The following SPTBN4 variants were observed in gnomAD, a reference collection of about 807,000 sequenced individuals.
SPTBN4 encodes the protein spectrin beta, non-erythrocytic 4.
In SPTBN4, 96 loss-of-function variants were observed where a neutral mutation model predicts 277.8. The ratio of observed to expected loss-of-function variants is 0.35; its 90% confidence interval spans 0.29 to 0.41. The LOEUF (loss-of-function observed/expected upper bound fraction) is 0.41. Among genes scored for constraint, SPTBN4 ranks in the 10% least tolerant of loss-of-function variants. The pLI is 1.00. For missense variants in SPTBN4, 3,006 were observed against 3,595.7 expected, an observed-to-expected ratio of 0.84 and a Z score of 4.19; for synonymous variants, 1,481 against 1,580.3, an observed-to-expected ratio of 0.94 and a Z score of 1.49.
In SPTBN4 at chr19:40,523,308, G is replaced by T. The variant is rs2080550314; in HGVS notation, c.3655-129G>T. On this transcript the variant is annotated intron_variant, in intron 16 of 35. Transcript: ENST00000598249. ...CACCAGCATGGGCAACAGCCCCGAG[G>T]TGGGACCACAACTGGAATGTTCTAT... The T allele has an allele frequency of 1.5e-5, 13 of 870,928 alleles. No homozygotes were observed. In the South Asian group the frequency reaches 2.3e-4, roughly 15 times the overall value. 54.0% of individuals were successfully genotyped at this position (870,928 alleles called of 1,614,324 possible).
chr19:40,570,571 G>A lies in SPTBN4; in HGVS notation c.7162G>A (p.Glu2388Lys). ...GCCGCGACGGCGGCCGCGGCCCAGAGAGGGTGGTGAGGGCGGGGGAAGCCG... is the reference window on the plus strand; with the variant it reads ...GCCGCGACGGCGGCCGCGGCCCAGAAAGGGTGGTGAGGGCGGGGGAAGCCG... ...PKPRRRPRPR[E>K]GGEGGGSRRS... Residue 2388 changes from glutamate (E) to lysine (K), a missense_variant, in exon 33 of 36, where the codon GAG (glutamate) becomes AAG (lysine). This residue lies in a region of SPTBN4 where 630 missense variants were observed against 677.6 expected (regional missense o/e 0.93). Coordinates refer to ENST00000598249, the MANE Select transcript of SPTBN4 (RefSeq NM_020971.3). 1 of 1,372,494 alleles carries A rather than the reference G, an allele frequency of 7.3e-7. No homozygotes were observed. Among genetic ancestry groups the A allele is most frequent in the Non-Finnish European group, 9.4e-7 (1 of 1,065,374 alleles). 85.0% of individuals were successfully genotyped at this position (1,372,494 alleles called of 1,614,324 possible). A position where few individuals can be genotyped will look rare whatever the true frequency, so the allele number is the denominator to read the frequency against.
intron 17 of SPTBN4, among the ~76,000 whole-genome samples, chr19:40,527,545 T>C (rs2080607324): frequency 6.6e-6 from 1 of 152,104 alleles, no homozygotes; most frequent in African/African-American, 2.4e-5. Context: ...CCAGAAAGTG[T>C]TGGGGAGTGG....
intron 20 of SPTBN4, among the ~76,000 whole-genome samples, chr19:40,541,454 G>T (rs12982298): frequency 0.28 from 42,761 of 152,120 alleles, 6,472 homozygotes; most frequent in Non-Finnish European, 0.35. Flanking sequence ...CTCAGGAGCT[G>T]CTACTGGGGA....
At chr19:40,504,182 G>A in intron 12 of SPTBN4, 50 bp downstream of exon 12, 1 of 1,529,022 alleles carries the variant, frequency 6.5e-7, no homozygotes, top group Non-Finnish European at 8.9e-7. Flanking sequence ...AGGGAGGGGA[G>A]GATGCAGACG....
chr19:40,540,275 C>G (rs2080784894), intron 20 of SPTBN4, among the ~76,000 whole-genome samples: 1 of 152,126 alleles, frequency 6.6e-6, no homozygotes, highest in Non-Finnish European at 1.5e-5. Flanking sequence ...CACCATCACT[C>G]TACTGTTTTC....
At chr19:40,509,388 G>A (rs1599746738) in intron 13 of SPTBN4, among the ~76,000 whole-genome samples, 1 of 152,172 alleles carries the variant, frequency 6.6e-6, no homozygotes, top group East Asian at 1.9e-4. Context: ...TGGGATTATA[G>A]GCATGCGCCA....
At chr19:40,478,933 A>T (rs902715492) in intron 2 of SPTBN4, among the ~76,000 whole-genome samples, 8 of 152,328 alleles carry the variant, frequency 5.3e-5, no homozygotes, top group African/African-American at 1.9e-4. Context: ...AGTAAAACAC[A>T]TTTATAGAGG....
At chr19:40,549,510 C>A in intron 21 of SPTBN4, 97 bp downstream of exon 21, 2 of 979,384 alleles carry the variant, frequency 2.0e-6, no homozygotes, top group Non-Finnish European at 2.8e-6. Context: ...CGGCTGAGAC[C>A]CTCCCACTCA....
chr19:40,541,864 C>A (rs814513), intron 20 of SPTBN4, among the ~76,000 whole-genome samples: 66,131 of 151,630 alleles, frequency 0.44, 15,187 homozygotes, highest in African/African-American at 0.48. Context: ...CCAGCCTCCC[C>A]AGTAGCTGGG....
chr19:40,540,900 C>G (rs140716031), intron 20 of SPTBN4, among the ~76,000 whole-genome samples: 249 of 150,144 alleles, frequency 1.7e-3, no homozygotes, highest in Middle Eastern at 0.014. Flanking sequence ...TTAGAACCAT[C>G]TTTAGCTCAC....
chr19:40,574,462 A>G (rs914610258), intron 35 of SPTBN4, among the ~76,000 whole-genome samples: 1 of 151,622 alleles, frequency 6.6e-6, no homozygotes, highest in East Asian at 2.0e-4. Context: ...CCCGGGTTCA[A>G]GCGACTCTCC....
At chr19:40,528,046 A>C (rs1181195151) in intron 17 of SPTBN4, among the ~76,000 whole-genome samples, 1 of 127,280 alleles carries the variant, frequency 7.9e-6, no homozygotes, top group African/African-American at 3.0e-5. Context: ...ATGGAGCGAG[A>C]CTCCATCTCA....
intron 3 of SPTBN4, among the ~76,000 whole-genome samples, chr19:40,488,984 AT>A (rs908706211): frequency 3.9e-5 from 6 of 151,936 alleles, no homozygotes; most frequent in African/African-American, 1.4e-4. Flanking sequence ...TCAAAAATAA[AT>A]AAATAACCCA....
At chr19:40,524,752 T>C (rs2080570418) in intron 17 of SPTBN4, 1 of 378,584 alleles carries the variant, frequency 2.6e-6, no homozygotes, top group African/African-American at 2.1e-5. Context: ...TGTCTGCATG[T>C]CTCTGTGTCT....
Position 40,532,640 on chromosome 19 carries a change from C to A in SPTBN4, c.3964C>A (p.His1322Asn). The A allele has an allele frequency of 6.2e-7, 1 of 1,613,326 alleles. No individual in the cohort carries two copies. Among genetic ancestry groups the A allele is most frequent in the Non-Finnish European group, 8.5e-7 (1 of 1,179,550 alleles). Residue 1322 changes from histidine to asparagine, a missense_variant, in exon 19 of 36, where the codon CAT becomes AAT. Around this residue, in one of 5 missense-constraint regions of SPTBN4, gnomAD observed 1,759 missense variants for 2,061.5 expected, o/e 0.85. Transcript: ENST00000598249. ...TTCTGCACAGCTGGATGGCTGGATC[C>A]ATGAGAAGATGCTGATGGCGCGGGA... Reference protein sequence around the residue: ...RDCHELDGWIHEKMLMARDGT... With the variant: ...RDCHELDGWINEKMLMARDGT...
At chr19:40,482,719 T>C (rs1247053910) in intron 2 of SPTBN4, among the ~76,000 whole-genome samples, 1 of 152,022 alleles carries the variant, frequency 6.6e-6, no homozygotes, top group African/African-American at 2.4e-5. Flanking sequence ...CCCAGCACTT[T>C]GGGAGGCTGA....
At chr19:40,488,450 G>A (rs1458157099) in intron 3 of SPTBN4, among the ~76,000 whole-genome samples, 3 of 152,084 alleles carry the variant, frequency 2.0e-5, no homozygotes, top group African/African-American at 7.2e-5. Context: ...ATTCGTTAAA[G>A]GACTGGAGCC....
Position 40,560,831 on chromosome 19 carries a change from T to G in SPTBN4, c.5915+428T>G. On this transcript the variant is annotated intron_variant, in intron 27 of 35. Coordinates refer to ENST00000598249, the MANE Select transcript of SPTBN4 (RefSeq NM_020971.3). The surrounding 1 kb of genome is among the most constrained non-coding windows in gnomAD (Gnocchi z 5.2). The stretch of plus-strand genomic sequence containing the variant: ...GATGTGAGTGTCCAGCAGAATCCTG[T>G]CCCCTGGTGATTGGGAGCCAGGGTC... 2 of 866,446 alleles carry G rather than the reference T, an allele frequency of 2.3e-6. No homozygotes were observed. Among genetic ancestry groups the G allele is most frequent in the South Asian group, 3.8e-5 (1 of 26,396 alleles). 53.7% of individuals were successfully genotyped at this position (866,446 alleles called of 1,614,324 possible).
rs750191035 is a variant in SPTBN4, at chr19:40,532,781, C to G, written c.4095+10C>G. On this transcript the variant is annotated intron_variant, in intron 19 of 35. Transcript: ENST00000598249. ...GGAGAAGATCGAGCGGGTGAGGAAG[C>G]TGATGGCCCCTCTGCCTGTGCCAGG... 6.2e-7 allele frequency: 1 copy of G among 1,604,604 alleles called. No homozygotes were observed. Among genetic ancestry groups the G allele is most frequent in the African/African-American group, 1.3e-5 (1 of 74,762 alleles).
Sources: allele counts gnomAD v4.1 joint callset (sites outside exome capture counted in the v4.1 genomes callset), GRCh38; gene constraint gnomAD v4.1.1; regional missense constraint gnomAD v4.1.1; non-coding constraint Gnocchi (gnomAD v3.1); transcripts MANE v1.5; gene names NCBI Gene and HGNC (gene_info 2026-07-23, HGNC 2026-07-21).